The following SSUH2 variants were observed in gnomAD, a reference collection of about 807,000 sequenced individuals.
SSUH2 encodes ssu-2 homolog.
A neutral mutation model predicts 55.3 loss-of-function variants in SSUH2; 47 were observed. That is an observed-to-expected ratio of 0.85 (90% CI 0.67 to 1.08). SSUH2 has a LOEUF of 1.08. Among genes scored for constraint, SSUH2 ranks in the 50% least tolerant of loss-of-function variants. The pLI is 0.00. For synonymous variants in SSUH2, 212 were observed against 191.5 expected (o/e 1.11, Z -0.89); for missense variants, 535 against 490.7 (o/e 1.09, Z -0.85).
intron 1 of SSUH2, among the ~76,000 whole-genome samples, chr3:8,639,323 A>ATC (rs1362715407): frequency 2.6e-5 from 4 of 152,202 alleles, no homozygotes; most frequent in Non-Finnish European, 5.9e-5. Context: ...TGTAGGCATG[A>ATC]TCTCCTTTGT....
At position 8,626,197 on chromosome 3, in the gene SSUH2, G is replaced by A. The variant is rs573290353; in HGVS notation, c.767+32C>T. On this transcript the variant is annotated intron_variant, in intron 9 of 11. Coordinates refer to ENST00000544814, the MANE Select transcript of SSUH2 (RefSeq NM_001256748.3). ...AGGGCTAAGTCCCTCAGCCACCCCC[G>A]CATGCCACAGCATTGAGACACTGCC... 3.3e-5 allele frequency: 52 copies of A among 1,573,158 alleles called. No individual in the cohort carries two copies. The Middle Eastern group carries it at 1.3e-3, about 40-fold the overall frequency.
At chr3:8,659,715 G>A (rs552926047) in intron 6 of SSUH2, 16 of 453,236 alleles carry the variant, frequency 3.5e-5, no homozygotes, top group African/African-American at 1.2e-4. Flanking sequence ...TGCATCATCC[G>A]TCTGTCCATC....
chr3:8,644,910 T>C (rs1701475819), upstream of SSUH2: 6 of 707,276 alleles, frequency 8.5e-6, no homozygotes, highest in South Asian at 1.6e-5. Context: ...TCGTTCATCA[T>C]AGCAGCTGCT....
At chr3:8,623,780 G>A (rs529270554) in intron 10 of SSUH2, 124 bp from the exon 11 acceptor site, 77 of 587,114 alleles carry the variant, frequency 1.3e-4, no homozygotes, top group Non-Finnish European at 2.1e-4. Flanking sequence ...AGGGACCCAC[G>A]GTGTGGTCTC....
chr3:8,667,278 T>C (rs1288712600), intron 5 of SSUH2, among the ~76,000 whole-genome samples: 2 of 152,192 alleles, frequency 1.3e-5, no homozygotes, highest in African/African-American at 2.4e-5. Flanking sequence ...TTAGACCATA[T>C]AGGTAACTTC....
At chr3:8,658,020 A>T (rs1304265248) in intron 7 of SSUH2, among the ~76,000 whole-genome samples, 1 of 152,210 alleles carries the variant, frequency 6.6e-6, no homozygotes, top group African/African-American at 2.4e-5. Context: ...GGAGACAGTG[A>T]GGGAGGTGAG....
At chr3:8,644,845 A>G, upstream of SSUH2, 1 of 1,125,028 alleles carries the variant, frequency 8.9e-7, no homozygotes, top group Non-Finnish European at 1.3e-6. Flanking sequence ...GGCCCCTCCC[A>G]GAACAGCAGG....
At chr3:8,666,380 C>T (rs1703991928) in intron 5 of SSUH2, among the ~76,000 whole-genome samples, 1 of 152,120 alleles carries the variant, frequency 6.6e-6, no homozygotes, top group African/African-American at 2.4e-5. Context: ...AATGTATCTG[C>T]TAAGTACACC....
intron 3 of SSUH2, chr3:8,634,518 A>G (rs3774210): frequency 0.87 from 1,125,309 of 1,289,700 alleles, 491,471 homozygotes; most frequent in South Asian, 0.92. Context: ...GCACACTTGT[A>G]TCTCCAGCAT....
At chr3:8,666,424 C>T (rs769681895) in intron 5 of SSUH2, among the ~76,000 whole-genome samples, 4 of 152,118 alleles carry the variant, frequency 2.6e-5, no homozygotes, top group Middle Eastern at 6.8e-3. Context: ...AGATGCAGAC[C>T]GTCAGGGAAG....
chr3:8,648,964 C>A (rs1575264727), upstream of SSUH2, among the ~76,000 whole-genome samples: 1 of 152,268 alleles, frequency 6.6e-6, no homozygotes, highest in East Asian at 1.9e-4. Context: ...AGGATGAGAA[C>A]CTCATCTCCA....
In SSUH2 at chr3:8,627,757, G is replaced by C. The variant is rs1212336553; in HGVS notation, c.615C>G (p.Ala205=). Residue 205 remains alanine (A), a synonymous_variant, in exon 8 of 12, where the codon GCC becomes GCG. Transcript: ENST00000544814. The stretch of plus-strand genomic sequence containing the variant: ...TCCGGGACTGCTTGGCTTTGCGCTT[G>C]GCTCCGCAGCAGGATGGGCACCGCA... ...GTVRCPSCCG[A]KRKAKQSRRC... The C allele has an allele frequency of 3.1e-6, 5 of 1,610,288 alleles. No homozygotes were observed. The highest frequency in any genetic ancestry group is 1.7e-5 in the Admixed American group (1 of 59,282).
rs1559568369 is a variant in SSUH2, at chr3:8,678,977, G to GGA, written c.-901+727_-901+728insTC. 5.9e-5 allele frequency among the ~76,000 whole-genome samples: 6 copies of GGA among 101,040 alleles called. 1 individual carries two copies. Among genetic ancestry groups the GGA allele is most frequent in the East Asian group, 4.8e-4 (2 of 4,184 alleles). The allele number at this position is 101,040 out of a possible 152,430, so 66.3% of individuals were successfully genotyped here. On this transcript the variant is annotated intron_variant, in intron 2 of 18. Coordinates refer to the SSUH2 transcript ENST00000317371. ...CTTGGGACGCCCATCGCAGGGCGGAGAGTCACCCCCCGCGAGGTGGGGACT... is the reference window on the plus strand; with the variant it reads ...CTTGGGACGCCCATCGCAGGGCGGAGGAAGTCACCCCCCGCGAGGTGGGGACT...
intron 1 of SSUH2, among the ~76,000 whole-genome samples, chr3:8,681,401 G>GGC (rs1705936690): frequency 1.3e-5 from 2 of 150,072 alleles, no homozygotes; most frequent in Admixed American, 6.6e-5. Context: ...ATCGCAGGAT[G>GGC]GGGAGGCACC....
intron 1 of SSUH2, among the ~76,000 whole-genome samples, chr3:8,680,747 G>T (rs747522442): frequency 1.3e-5 from 2 of 151,990 alleles, no homozygotes; most frequent in East Asian, 1.9e-4. Flanking sequence ...TCACACAGGG[G>T]TGTATACTTA....
intron 11 of SSUH2, chr3:8,623,318 A>AG: frequency 1.9e-6 from 1 of 521,004 alleles, no homozygotes; most frequent in Non-Finnish European, 3.4e-6. Flanking sequence ...GCTTCTGGGA[A>AG]TAAAAATGCA....
intron 6 of SSUH2, among the ~76,000 whole-genome samples, chr3:8,661,840 ATGTGTTTTGGGAGGGACCCAG>A (rs1703522576): frequency 6.6e-6 from 1 of 152,124 alleles, no homozygotes; most frequent in African/African-American, 2.4e-5. Flanking sequence ...CATAATTCCC[ATGTGTTTTGGGAGGGACCCAG>A]TGGGAGATAA....
intron 2 of SSUH2, among the ~76,000 whole-genome samples, chr3:8,678,544 A>C (rs55745902): frequency 0.16 from 7,785 of 47,836 alleles, 346 homozygotes; most frequent in Non-Finnish European, 0.17. Context: ...TCTTCCCTCC[A>C]TGGCTCTTAG....
chr3:8,661,431 C>A (rs1036567228), intron 6 of SSUH2, among the ~76,000 whole-genome samples: 2 of 152,184 alleles, frequency 1.3e-5, no homozygotes, highest in African/African-American at 4.8e-5. Context: ...GATGCTATGG[C>A]TGATTCATCA....
Sources: allele counts gnomAD v4.1 joint callset (sites outside exome capture counted in the v4.1 genomes callset), GRCh38; gene constraint gnomAD v4.1.1; transcripts MANE v1.5; gene names NCBI Gene and HGNC (gene_info 2026-07-23, HGNC 2026-07-21).